Variants in TRPM2 observed in about 807,000 individuals in gnomAD.
TRPM2 encodes the protein transient receptor potential cation channel subfamily M member 2, also known as estrogen-responsive element-associated gene 1 protein.
A neutral mutation model predicts 174.0 loss-of-function variants in TRPM2; 161 were observed. The ratio of observed to expected loss-of-function variants is 0.93; its 90% CI spans 0.81 to 1.05. The LOEUF is 1.05. Ranked by LOEUF, TRPM2 falls within the 50% of genes least tolerant of loss-of-function variation. TRPM2 has a pLI of 0.00. For synonymous variants in TRPM2, 954 were observed against 861.3 expected, an observed-to-expected ratio of 1.11 and a Z score of -1.88; for missense variants, 2,057 against 2,038.0, an observed-to-expected ratio of 1.01 and a Z score of -0.18.
At chr21:44,440,410 C>T (rs1256737852) in intron 30 of TRPM2, among the ~76,000 whole-genome samples, 1 of 152,150 alleles carries the variant, frequency 6.6e-6, no homozygotes, top group African/African-American at 2.4e-5. Context: ...TTCCATCACC[C>T]CAGTCACCCC....
chr21:44,371,343 G>T (rs1159194018), intron 5 of TRPM2, among the ~76,000 whole-genome samples: 1 of 101,586 alleles, frequency 9.8e-6, no homozygotes, highest in Admixed American at 1.1e-4. Context: ...TCCCGTGGCC[G>T]CCTCCCTCCA....
At chr21:44,441,603 C>T in intron 31 of TRPM2, 89 bp from the exon 32 acceptor site, 1 of 1,465,588 alleles carries the variant, frequency 6.8e-7, no homozygotes, top group Non-Finnish European at 9.0e-7. Context: ...GTGTGCAGGC[C>T]CCAAGCCCTC....
intron 22 of TRPM2, among the ~76,000 whole-genome samples, chr21:44,421,047 C>T (rs1057437627): frequency 1.3e-5 from 2 of 152,106 alleles, no homozygotes; most frequent in African/African-American, 2.4e-5. Context: ...AGGCCGGGCG[C>T]GGTGGCTCAC....
intron 29 of TRPM2, among the ~76,000 whole-genome samples, chr21:44,437,543 G>A (rs995957406): frequency 1.1e-4 from 17 of 152,106 alleles, no homozygotes; most frequent in Non-Finnish European, 2.1e-4. Flanking sequence ...GACCTTCAGG[G>A]CCAGGTGCTG....
intron 19 of TRPM2, among the ~76,000 whole-genome samples, chr21:44,407,280 C>G (rs530673498): frequency 6.8e-6 from 1 of 146,746 alleles, no homozygotes; most frequent in East Asian, 2.1e-4. Flanking sequence ...TGCACGCCAA[C>G]ACACCCGGCT....
chr21:44,416,260 T>G (rs1417148935), intron 20 of TRPM2: 1 of 152,286 alleles, frequency 6.6e-6, no homozygotes, highest in Non-Finnish European at 1.5e-5. Context: ...CTCTTCTTGT[T>G]TCATTGGCTA....
At chr21:44,437,426 C>T (rs930809483) in intron 29 of TRPM2, among the ~76,000 whole-genome samples, 2 of 152,202 alleles carry the variant, frequency 1.3e-5, no homozygotes, top group Admixed American at 6.5e-5. Flanking sequence ...GTGTCCCAGG[C>T]ATGGGCTGGG....
Position 44,406,290 on chromosome 21 carries a change from CTTTCCTCCT to C in TRPM2, c.2790+255_2790+263del, listed in dbSNP as rs879623726. ...CTGGCCTCTGATTCAGCTCTAGGAG[CTTTCCTCCT>C]TGGTCACGGTTATGTCTGACCGCAC... is the stretch of plus-strand genomic sequence containing the variant. On this transcript the variant is annotated intron_variant, in intron 18 of 31. Transcript: ENST00000397928. 9.3e-3 allele frequency among the ~76,000 whole-genome samples: 1,415 copies of C among 152,226 alleles called. 20 individuals are homozygous for C. The highest frequency in any genetic ancestry group is 0.032 in the African/African-American group (1,309 of 41,536).
chr21:44,369,382 G>A, intron 5 of TRPM2, 39 bp downstream of exon 5: 1 of 1,577,398 alleles, frequency 6.3e-7, no homozygotes, highest in Non-Finnish European at 8.6e-7. Context: ...CTAAGACCAG[G>A]GGTGTGGGTG....
upstream of TRPM2, chr21:44,353,601 C>A: frequency 1.5e-6 from 2 of 1,347,250 alleles, no homozygotes; most frequent in Non-Finnish European, 9.6e-7. Flanking sequence ...TCTATTTCAG[C>A]AACCACCCCA....
intron 2 of TRPM2, among the ~76,000 whole-genome samples, chr21:44,358,097 C>T (rs1249748259): frequency 2.0e-5 from 3 of 152,222 alleles, no homozygotes; most frequent in African/African-American, 4.8e-5. Flanking sequence ...CTACCCCACT[C>T]GTCCAGACCT....
At chr21:44,381,974 A>G (rs895091933) in intron 8 of TRPM2, among the ~76,000 whole-genome samples, 1 of 151,592 alleles carries the variant, frequency 6.6e-6, no homozygotes, top group Non-Finnish European at 1.5e-5. Flanking sequence ...AGATAGATAG[A>G]TAGATAGATA....
At chr21:44,363,431 G>A (rs1267368365) in intron 2 of TRPM2, among the ~76,000 whole-genome samples, 1 of 152,114 alleles carries the variant, frequency 6.6e-6, no homozygotes, top group African/African-American at 2.4e-5. Flanking sequence ...CTGCTCCTGG[G>A]TTCTTTCCTC....
intron 22 of TRPM2, among the ~76,000 whole-genome samples, chr21:44,418,863 G>T (rs1345137398): frequency 1.3e-5 from 2 of 152,238 alleles, no homozygotes; most frequent in African/African-American, 4.8e-5. Flanking sequence ...AGGCCTGGGG[G>T]CATGTGCACA....
intron 5 of TRPM2, among the ~76,000 whole-genome samples, chr21:44,372,380 C>T (rs2146180742): frequency 6.6e-6 from 1 of 151,582 alleles, no homozygotes; most frequent in African/African-American, 2.4e-5. Flanking sequence ...ACTGTAATCC[C>T]AGCTACTGGG....
At chr21:44,422,249 A>G (rs1182369940) in intron 22 of TRPM2, 1 of 1,534,670 alleles carries the variant, frequency 6.5e-7, no homozygotes, top group Non-Finnish European at 8.7e-7. Flanking sequence ...AGCTGAGTTC[A>G]CCAAAGCTCC....
upstream of TRPM2, chr21:44,353,216 T>G (rs545801249): frequency 6.5e-5 from 10 of 152,712 alleles, no homozygotes; most frequent in African/African-American, 2.4e-4. Flanking sequence ...AAAAAAATTT[T>G]GGAATATGAA....
At position 44,375,908 on chromosome 21, in the gene TRPM2, C is replaced by T; in HGVS notation, c.847C>T (p.His283Tyr). Residue 283 changes from histidine to tyrosine, a missense_variant, in exon 6 of 32, where the codon CAC (histidine) becomes TAC (tyrosine). Coordinates refer to ENST00000397928, the MANE Select transcript of TRPM2 (RefSeq NM_003307.4). ...GACCTGCCTAGACAGCAACCACTCT[C>T]ACTTCATCCTCGTGGACGACGGGAC... ...NLTCLDSNHS[H>Y]FILVDDGTHG... is the part of the protein sequence containing the mutation. 1 of 1,614,120 alleles carries T rather than the reference C, an allele frequency of 6.2e-7. No homozygotes were observed. Among genetic ancestry groups the T allele is most frequent in the Admixed American group, 1.7e-5 (1 of 60,024 alleles).
At chr21:44,361,222 G>A (rs567639716) in intron 2 of TRPM2, among the ~76,000 whole-genome samples, 72 of 152,000 alleles carry the variant, frequency 4.7e-4, no homozygotes, top group Admixed American at 1.8e-3. Flanking sequence ...TGCAACCTCC[G>A]CCTCCCGGCA....
Sources: gnomAD v4.1 joint callset for allele counts (sites outside exome capture counted in the v4.1 genomes callset) on GRCh38, gnomAD v4.1.1 for gene constraint, MANE v1.5 for transcripts, NCBI Gene and HGNC (gene_info 2026-07-23, HGNC 2026-07-21) for gene names.